Variants in TEX36 observed in about 807,000 individuals in gnomAD.
TEX36 encodes testis expressed 36.
TEX36 carries 12 observed loss-of-function variants against 13.6 expected under a neutral mutation model. That is an observed-to-expected ratio of 0.88 (90% confidence interval 0.56 to 1.43). The LOEUF is 1.43. Ranked by LOEUF, TEX36 falls within the 40% of genes most tolerant of loss-of-function variation. TEX36 has a pLI of 0.00. For synonymous variants in TEX36, 93 were observed against 83.0 expected, an observed-to-expected ratio of 1.12 and a Z score of -0.65; for missense variants, 224 against 228.3, an observed-to-expected ratio of 0.98 and a Z score of 0.12.
At chr10:125,667,781 C>T (rs1287836701) in intron 1 of TEX36, 15 of 964,814 alleles carry the variant, frequency 1.6e-5, no homozygotes, top group African/African-American at 4.8e-5. Context: ...ACAGTAGAAG[C>T]GCCAGTTCTC....
chr10:125,675,027 C>T (rs1040199741), intron 1 of TEX36, among the ~76,000 whole-genome samples: 3 of 152,354 alleles, frequency 2.0e-5, no homozygotes, highest in African/African-American at 7.2e-5. Flanking sequence ...AAGACTAAGT[C>T]TGCTGATCCA....
At chr10:125,600,430 A>G (rs535747093) in intron 3 of TEX36, among the ~76,000 whole-genome samples, 1 of 152,228 alleles carries the variant, frequency 6.6e-6, no homozygotes, top group Admixed American at 6.5e-5. Flanking sequence ...CTTTACCACC[A>G]TATCTGTGAG....
At chr10:125,646,892 A>C (rs535846642) in intron 3 of TEX36, among the ~76,000 whole-genome samples, 2 of 152,334 alleles carry the variant, frequency 1.3e-5, no homozygotes, top group East Asian at 3.9e-4. Context: ...TTTCCTGGCA[A>C]ATTCTATAGG....
At chr10:125,622,491 C>T (rs888698323) in intron 3 of TEX36, among the ~76,000 whole-genome samples, 1 of 152,218 alleles carries the variant, frequency 6.6e-6, no homozygotes, top group African/African-American at 2.4e-5. Context: ...ATTCTGTACT[C>T]CCTTTGCCTT....
chr10:125,634,244 C>G (rs892954061), intron 3 of TEX36, among the ~76,000 whole-genome samples: 11 of 152,088 alleles, frequency 7.2e-5, no homozygotes, highest in African/African-American at 2.4e-4. Context: ...GAGTGTGATT[C>G]CTTCAGCAGA....
intron 3 of TEX36, among the ~76,000 whole-genome samples, chr10:125,622,013 C>A (rs1432579052): frequency 1.3e-5 from 2 of 152,184 alleles, no homozygotes; most frequent in Non-Finnish European, 1.5e-5. Flanking sequence ...TCTGGCAACA[C>A]CCTCACAAAC....
At chr10:125,676,795 A>G (rs933485767) in intron 1 of TEX36, among the ~76,000 whole-genome samples, 1 of 152,104 alleles carries the variant, frequency 6.6e-6, no homozygotes, top group African/African-American at 2.4e-5. Flanking sequence ...TTGTTCTACG[A>G]GTGAGTTTTA....
intron 1 of TEX36, among the ~76,000 whole-genome samples, chr10:125,669,366 G>C (rs935187183): frequency 1.3e-5 from 2 of 151,994 alleles, no homozygotes; most frequent in African/African-American, 4.8e-5. Context: ...TGTAATCCCA[G>C]CTACTCGGAA....
intron 3 of TEX36, among the ~76,000 whole-genome samples, chr10:125,616,200 G>T (rs538530611): frequency 6.6e-6 from 1 of 152,068 alleles, no homozygotes; most frequent in South Asian, 2.1e-4. Flanking sequence ...CTTGCTAGTG[G>T]TCTATCAATT....
intron 3 of TEX36, among the ~76,000 whole-genome samples, chr10:125,630,892 G>C (rs974494664): frequency 5.3e-5 from 8 of 152,220 alleles, no homozygotes; most frequent in African/African-American, 1.7e-4. Flanking sequence ...AGTTAAAAAG[G>C]GAGGCCAGAG....
chr10:125,577,579 G>A (rs1742688194), intron 3 of TEX36, among the ~76,000 whole-genome samples: 1 of 152,178 alleles, frequency 6.6e-6, no homozygotes, highest in African/African-American at 2.4e-5. Flanking sequence ...AATGTGGAGT[G>A]AAAACATCAC....
intron 1 of TEX36, among the ~76,000 whole-genome samples, chr10:125,671,191 G>A (rs1847221712): frequency 6.6e-6 from 1 of 152,080 alleles, no homozygotes; most frequent in East Asian, 1.9e-4. Context: ...TGGTGAGAGG[G>A]GTCATCCTTG....
chr10:125,676,784 AT>A (rs1847320214), intron 1 of TEX36, among the ~76,000 whole-genome samples: 1 of 151,798 alleles, frequency 6.6e-6, no homozygotes, highest in Non-Finnish European at 1.5e-5. Context: ...CCTTTGTGTG[AT>A]TGTTCTACGA....
At chr10:125,607,435 T>C (rs1054845691) in intron 3 of TEX36, among the ~76,000 whole-genome samples, 5 of 152,248 alleles carry the variant, frequency 3.3e-5, no homozygotes, top group African/African-American at 1.2e-4. Context: ...TCCCCGCATT[T>C]ATTTCAGAAG....
chr10:125,597,898 G>C (rs1053943856), intron 3 of TEX36, among the ~76,000 whole-genome samples: 5 of 152,180 alleles, frequency 3.3e-5, no homozygotes, highest in Non-Finnish European at 7.4e-5. Flanking sequence ...CAAACACTTT[G>C]TGACTCTGGT....
intron 3 of TEX36, among the ~76,000 whole-genome samples, chr10:125,645,559 C>A (rs898957170): frequency 6.6e-6 from 1 of 152,190 alleles, no homozygotes; most frequent in East Asian, 1.9e-4. Flanking sequence ...GCCTCCATAA[C>A]TGTAAGAAAT....
At chr10:125,621,334 C>T (rs980855866), downstream of TEX36, among the ~76,000 whole-genome samples, 6 of 151,982 alleles carry the variant, frequency 3.9e-5, no homozygotes, top group African/African-American at 9.7e-5. Context: ...GCTCCAATTT[C>T]TCCACATCCT....
intron 3 of TEX36, among the ~76,000 whole-genome samples, chr10:125,591,097 G>A (rs1846016694): frequency 6.6e-6 from 1 of 152,204 alleles, no homozygotes; most frequent in South Asian, 2.1e-4. Flanking sequence ...CCACCAAGCT[G>A]TGAGGCCATG....
chr10:125,607,889 T>TGA, intron 3 of TEX36, among the ~76,000 whole-genome samples: 1 of 152,262 alleles, frequency 6.6e-6, no homozygotes, highest in South Asian at 2.1e-4. Flanking sequence ...CTGAGTCACA[T>TGA]GACTTTCCCA....
Sources: gnomAD v4.1 joint callset for allele counts (sites outside exome capture counted in the v4.1 genomes callset) on GRCh38, gnomAD v4.1.1 for gene constraint, MANE v1.5 for transcripts, NCBI Gene and HGNC (gene_info 2026-07-23, HGNC 2026-07-21) for gene names.